SENP7: variants seen among roughly 807,000 people sequenced by gnomAD.
SENP7 encodes SUMO specific peptidase 7.
Under a neutral mutation model 141.2 loss-of-function variants are expected in SENP7, and 64 were observed. That is an observed-to-expected ratio of 0.45 (90% CI 0.37 to 0.56). The LOEUF (loss-of-function observed/expected upper bound fraction) is 0.56, where lower values mean the gene tolerates loss of function less well. Ranked by LOEUF, SENP7 falls within the 20% of genes least tolerant of loss-of-function variation. The pLI, the probability that SENP7 is intolerant of heterozygous loss-of-function variation, is 0.00. For synonymous variants in SENP7, 382 were observed against 426.4 expected (o/e 0.90, Z 1.28); for missense variants, 1,025 against 1,212.2 (o/e 0.85, Z 2.29).
At chr3:101,332,926 A>G (rs767157562) in intron 17 of SENP7, 64 bp from the exon 18 acceptor site, 2 of 1,434,032 alleles carry the variant, frequency 1.4e-6, no homozygotes, top group Non-Finnish European at 1.9e-6. Context: ...GGACTTCAAG[A>G]GCCATTTTTA....
At chr3:101,510,902 T>G (rs751108653) in intron 1 of SENP7, among the ~76,000 whole-genome samples, 4 of 143,374 alleles carry the variant, frequency 2.8e-5, no homozygotes, top group Admixed American at 1.4e-4. Context: ...CAACTTACAA[T>G]GAAATGGCAA....
chr3:101,365,243 T>G (rs986077678), intron 9 of SENP7, among the ~76,000 whole-genome samples: 1 of 151,718 alleles, frequency 6.6e-6, no homozygotes, highest in African/African-American at 2.4e-5. Flanking sequence ...CCTCAGGTGA[T>G]CCTCCTGCCT....
intron 6 of SENP7, among the ~76,000 whole-genome samples, chr3:101,381,363 A>C (rs4683896): frequency 0.4 from 61,313 of 151,844 alleles, 12,816 homozygotes; most frequent in Admixed American, 0.54. Context: ...CATAGGCCTA[A>C]AGTAAAGATT....
chr3:101,398,512 T>C (rs1010297143), intron 6 of SENP7, among the ~76,000 whole-genome samples: 2 of 152,018 alleles, frequency 1.3e-5, no homozygotes, highest in African/African-American at 4.8e-5. Flanking sequence ...GGTAGATGGA[T>C]AGATGGACAA....
chr3:101,444,660 T>C (rs2062816015), intron 4 of SENP7, among the ~76,000 whole-genome samples: 2 of 144,528 alleles, frequency 1.4e-5, no homozygotes, highest in South Asian at 4.3e-4. Flanking sequence ...CCAAACACCG[T>C]ATACTCTCAC....
At chr3:101,451,926 C>T (rs1460815830) in intron 4 of SENP7, among the ~76,000 whole-genome samples, 3 of 152,072 alleles carry the variant, frequency 2.0e-5, no homozygotes, top group African/African-American at 7.2e-5. Flanking sequence ...TCAAATTGTC[C>T]CTGTTTGCAG....
intron 1 of SENP7, among the ~76,000 whole-genome samples, chr3:101,505,064 A>G (rs933092144): frequency 6.6e-6 from 1 of 152,202 alleles, no homozygotes; most frequent in Non-Finnish European, 1.5e-5. Flanking sequence ...AACCATTTCA[A>G]AAAGAAAAAG....
chr3:101,419,725 G>T (rs980283283), intron 4 of SENP7, among the ~76,000 whole-genome samples: 1 of 152,142 alleles, frequency 6.6e-6, no homozygotes, highest in Admixed American at 6.5e-5. Context: ...GCACGTAAGG[G>T]TTAAAGACAC....
chr3:101,502,113 A>C (rs2065405575), intron 1 of SENP7, among the ~76,000 whole-genome samples: 1 of 152,214 alleles, frequency 6.6e-6, no homozygotes, highest in South Asian at 2.1e-4. Flanking sequence ...CCACAAATGA[A>C]AACGTTAATA....
At chr3:101,406,739 C>T (rs1471947990) in intron 5 of SENP7, among the ~76,000 whole-genome samples, 2 of 152,084 alleles carry the variant, frequency 1.3e-5, no homozygotes, top group African/African-American at 4.8e-5. Context: ...AAATTCATCA[C>T]AAAAAGATCA....
intron 2 of SENP7, among the ~76,000 whole-genome samples, chr3:101,496,655 T>A (rs191858860): frequency 2.0e-5 from 3 of 150,892 alleles, no homozygotes; most frequent in African/African-American, 7.3e-5. Context: ...CTCAGCTAAC[T>A]GCAACCTCCG....
intron 5 of SENP7, among the ~76,000 whole-genome samples, chr3:101,406,721 C>G (rs530108780): frequency 3.9e-5 from 6 of 152,246 alleles, no homozygotes; most frequent in Admixed American, 3.9e-4. Flanking sequence ...ACTCAAAGAA[C>G]ACCTGGAAAA....
rs866177182 is a variant in SENP7, at chr3:101,444,219, G to A, written c.284+14736C>T. 1.4e-3 allele frequency among the ~76,000 whole-genome samples: 197 copies of A among 141,618 alleles called. 1 individual carries two copies. The highest frequency in any genetic ancestry group is 4.5e-3 in the African/African-American group (175 of 38,988). 92.9% of individuals were successfully genotyped at this position (141,618 alleles called of 152,430 possible). On this transcript the variant is annotated intron_variant, in intron 4 of 23. Coordinates refer to ENST00000394095, the MANE Select transcript of SENP7 (RefSeq NM_020654.5). ...ACCATCTCACACCAGTTAGAATGGC[G>A]ATCATTAAAAAGTCAGGAAACAACA... is the stretch of plus-strand genomic sequence containing the variant.
chr3:101,420,204 A>G (rs2061746616), intron 4 of SENP7, among the ~76,000 whole-genome samples: 1 of 151,992 alleles, frequency 6.6e-6, no homozygotes, highest in South Asian at 2.1e-4. Flanking sequence ...CGTCTCTACT[A>G]AAAAATACAA....
intron 4 of SENP7, among the ~76,000 whole-genome samples, chr3:101,422,382 T>C (rs1388462823): frequency 2.0e-5 from 3 of 152,212 alleles, no homozygotes; most frequent in Non-Finnish European, 4.4e-5. Flanking sequence ...CAGTTTTCTG[T>C]TTTGTACCTC....
At chr3:101,386,496 G>A (rs998991039) in intron 6 of SENP7, among the ~76,000 whole-genome samples, 1 of 152,176 alleles carries the variant, frequency 6.6e-6, no homozygotes, top group Non-Finnish European at 1.5e-5. Context: ...CATTTTGAGA[G>A]CCTAGTTACC....
chr3:101,434,083 T>A (rs374706596), intron 4 of SENP7, among the ~76,000 whole-genome samples: 21 of 152,130 alleles, frequency 1.4e-4, no homozygotes, highest in African/African-American at 4.8e-4. Context: ...ATATGAAGCA[T>A]CTTCTCTGAC....
At chr3:101,463,059 A>G (rs2063602336) in intron 3 of SENP7, among the ~76,000 whole-genome samples, 1 of 151,910 alleles carries the variant, frequency 6.6e-6, no homozygotes, top group African/African-American at 2.4e-5. Flanking sequence ...ACACATCAAT[A>G]ACAAAGACTA....
chr3:101,365,727 T>A (rs543950254), intron 9 of SENP7, among the ~76,000 whole-genome samples: 14 of 152,248 alleles, frequency 9.2e-5, no homozygotes, highest in Non-Finnish European at 1.9e-4. Context: ...TTATTCAATT[T>A]AGAAACAGGC....
Sources: allele counts gnomAD v4.1 joint callset (sites outside exome capture counted in the v4.1 genomes callset), GRCh38; gene constraint gnomAD v4.1.1; transcripts MANE v1.5; gene names NCBI Gene and HGNC (gene_info 2026-07-23, HGNC 2026-07-21).